The following ADAP1 variants were observed in gnomAD, a reference collection of about 807,000 sequenced individuals.
The protein encoded by ADAP1 is ArfGAP with dual PH domains 1.
In ADAP1, 31 loss-of-function variants were observed where a neutral mutation model predicts 54.9. The observed-to-expected ratio is 0.56, with a 90% CI of 0.42 to 0.76. The LOEUF is 0.76. ADAP1 is among the 30% of genes least tolerant of loss of function. The probability of loss-of-function intolerance (pLI) is 0.00; values close to 1 mark genes in which losing one functional copy is unlikely to be tolerated. For missense variants in ADAP1, 535 were observed against 512.4 expected (o/e 1.04, Z -0.42); for synonymous variants, 313 against 202.6 (o/e 1.55, Z -4.63).
At chr7:932,957 C>T (rs984272656) in intron 2 of ADAP1, among the ~76,000 whole-genome samples, 1 of 152,162 alleles carries the variant, frequency 6.6e-6, no homozygotes, top group East Asian at 1.9e-4. Context: ...AAGGTGCAAT[C>T]ACAACTCACT....
Position 920,058 on chromosome 7 carries a change from G to C in ADAP1, c.306-8C>G. The C allele has an allele frequency of 6.2e-7, 1 of 1,604,432 alleles. No homozygotes were observed. Among genetic ancestry groups the C allele is most frequent in the South Asian group, 1.1e-5 (1 of 90,932 alleles). On this transcript the variant is annotated splice_region_variant and splice_polypyrimidine_tract_variant and intron_variant, in intron 3 of 10. Transcript: ENST00000265846. The surrounding 1 kb of genome is among the most constrained non-coding windows in gnomAD (Gnocchi z 4.5). ...CACTGCTCTCGAAGGAGCCTGTGGG[G>C]AGAGGAGAGACTGAGCCACTGGGCC...
intron 4 of ADAP1, among the ~76,000 whole-genome samples, chr7:905,782 A>AGAAG (rs1845222864): frequency 3.3e-5 from 1 of 30,212 alleles, no homozygotes; most frequent in African/African-American, 1.5e-4. Flanking sequence ...GAAAGGAGAA[A>AGAAG]GGAGAAAGGA....
rs568593593 is a variant in ADAP1 at position 935,538 on chromosome 7, C to T, written c.83-33G>A. On this transcript the variant is annotated intron_variant, in intron 1 of 10. Transcript: ENST00000265846. Reference sequence around the variant, plus strand: ...GGAAAGCCGGACGTTCACGGAGGCTCAGCCCAGGGACCCCGGAGGGAGGGT... The same window carrying T: ...GGAAAGCCGGACGTTCACGGAGGCTTAGCCCAGGGACCCCGGAGGGAGGGT... 3.2e-6 allele frequency: 5 copies of T among 1,553,974 alleles called. No homozygotes were observed. The African/African-American group carries it at 4.1e-5, about 13-fold the overall frequency.
intron 8 of ADAP1, 48 bp from the exon 9 acceptor site, chr7:899,538 C>T (rs1309116134): frequency 1.3e-6 from 2 of 1,584,652 alleles, no homozygotes; most frequent in African/African-American, 2.7e-5. Flanking sequence ...GAGGCAGGCC[C>T]TACATCCAGC....
chr7:921,018 G>C (rs1255320946), intron 3 of ADAP1: 4 of 665,060 alleles, frequency 6.0e-6, no homozygotes, highest in Non-Finnish European at 1.0e-5. Context: ...TCTGGCCCCT[G>C]GCCCCAGGTG....
chr7:949,822 C>T (rs957022049), intron 1 of ADAP1, among the ~76,000 whole-genome samples: 2 of 152,238 alleles, frequency 1.3e-5, no homozygotes, highest in South Asian at 2.1e-4. Context: ...AGGCAGGAAG[C>T]GGGCACGTGT....
chr7:935,981 CA>C (rs1431700623), intron 1 of ADAP1, among the ~76,000 whole-genome samples: 1 of 152,222 alleles, frequency 6.6e-6, no homozygotes, highest in Admixed American at 6.5e-5. Context: ...CAACGCGCTG[CA>C]CACCCCCGAA....
At chr7:919,253 C>T (rs79221248) in intron 4 of ADAP1, among the ~76,000 whole-genome samples, 3,156 of 152,314 alleles carry the variant, frequency 0.021, 87 homozygotes, top group East Asian at 0.12. Flanking sequence ...GCCCCTCACC[C>T]GGGCCTTCAG....
intron 1 of ADAP1, among the ~76,000 whole-genome samples, chr7:952,825 G>A (rs1228840100): frequency 6.6e-6 from 1 of 152,200 alleles, no homozygotes; most frequent in Non-Finnish European, 1.5e-5. Context: ...GGGGCATAGG[G>A]ACGGCAGAGA....
chr7:910,990 G>A (rs940557936), intron 4 of ADAP1, among the ~76,000 whole-genome samples: 3 of 152,172 alleles, frequency 2.0e-5, no homozygotes, highest in Non-Finnish European at 4.4e-5. Flanking sequence ...CTGTGAGCCC[G>A]CACAGGGCTC....
At chr7:907,391 C>G (rs1481607372) in intron 4 of ADAP1, among the ~76,000 whole-genome samples, 1 of 152,082 alleles carries the variant, frequency 6.6e-6, no homozygotes. Flanking sequence ...CCAGGAGCAC[C>G]AGGGAGAGGC....
rs2128631789 is a variant in ADAP1, at chr7:898,696, GCAGC to G, written c.*221_*224del. On this transcript the variant is annotated 3_prime_UTR_variant, in exon 11 of 11. Transcript: ENST00000265846. ...GCAGGTTGGCTGGGTGTGGTCAGCA[GCAGC>G]ATGACGGGGTTAGAGATCAGGCCCA... 1 of 610,334 alleles carries G rather than the reference GCAGC, an allele frequency of 1.6e-6. No individual in the cohort carries two copies. Among genetic ancestry groups the G allele is most frequent in the Admixed American group, 2.9e-5 (1 of 33,996 alleles). 37.8% of individuals were successfully genotyped at this position (610,334 alleles called of 1,614,324 possible). A position where few individuals can be genotyped will look rare whatever the true frequency, so the allele number is the denominator to read the frequency against.
chr7:934,701 T>A (rs1416759730), intron 2 of ADAP1, among the ~76,000 whole-genome samples: 6 of 152,118 alleles, frequency 3.9e-5, no homozygotes, highest in Non-Finnish European at 8.8e-5. Flanking sequence ...TCCTGCCGCC[T>A]CCAGCATGCG....
chr7:899,327 G>A (rs1844662924), intron 9 of ADAP1, 66 bp from the exon 10 acceptor site: 5 of 1,605,750 alleles, frequency 3.1e-6, no homozygotes, highest in African/African-American at 1.3e-5. Flanking sequence ...CTCAGGCCAG[G>A]ACTCGGGAGG....
chr7:933,200 G>A (rs1020317644), intron 2 of ADAP1, among the ~76,000 whole-genome samples: 2 of 151,914 alleles, frequency 1.3e-5, no homozygotes, highest in African/African-American at 4.8e-5. Context: ...GAGCCCGGGA[G>A]GTGGAGCTTG....
chr7:899,291 G>T, intron 9 of ADAP1, 30 bp from the exon 10 acceptor site: 1 of 1,610,150 alleles, frequency 6.2e-7, no homozygotes, highest in Non-Finnish European at 8.5e-7. Flanking sequence ...TGGAGGCGGG[G>T]CCATGTCCCT....
intron 1 of ADAP1, among the ~76,000 whole-genome samples, chr7:953,901 G>A (rs976603306): frequency 1.3e-5 from 2 of 152,194 alleles, no homozygotes; most frequent in African/African-American, 2.4e-5. Flanking sequence ...GGAGCCGGGG[G>A]CAGGGGCGCC....
At chr7:916,259 C>T (rs927409670) in intron 4 of ADAP1, among the ~76,000 whole-genome samples, 4 of 152,162 alleles carry the variant, frequency 2.6e-5, no homozygotes, top group South Asian at 2.1e-4. Context: ...AACCTAGAGA[C>T]GCAGAACTAG....
At chr7:901,063 G>C in intron 6 of ADAP1, 1 of 471,092 alleles carries the variant, frequency 2.1e-6, no homozygotes, top group South Asian at 1.5e-5. Context: ...AGGCTCATCT[G>C]TTTATAAACG....
Sources: gnomAD v4.1 joint callset for allele counts (sites outside exome capture counted in the v4.1 genomes callset) on GRCh38, gnomAD v4.1.1 for gene constraint, Gnocchi (gnomAD v3.1) non-coding constraint, MANE v1.5 for transcripts, NCBI Gene and HGNC (gene_info 2026-07-23, HGNC 2026-07-21) for gene names.